Variants in JUP observed in about 807,000 individuals in gnomAD.
JUP encodes junction plakoglobin.
A neutral mutation model predicts 71.1 loss-of-function variants in JUP; 28 were observed. That is an observed-to-expected ratio of 0.39 (90% CI 0.29 to 0.54). JUP has a LOEUF of 0.54. JUP is among the 20% of genes least tolerant of loss of function. The pLI, the probability that JUP is intolerant of heterozygous loss-of-function variation, is 0.62. For synonymous variants in JUP, 401 were observed against 438.9 expected, an observed-to-expected ratio of 0.91 and a Z score of 1.08; for missense variants, 869 against 1,030.1, an observed-to-expected ratio of 0.84 and a Z score of 2.14.
intron 1 of JUP, among the ~76,000 whole-genome samples, chr17:41,785,672 C>T (rs2047422146): frequency 6.6e-6 from 1 of 152,230 alleles, no homozygotes; most frequent in Non-Finnish European, 1.5e-5. Flanking sequence ...ATACTTCCTC[C>T]TGCAAAGTTT....
Position 41,769,676 on chromosome 17 carries a change from A to G in JUP, c.210T>C (p.Gly70=), listed in dbSNP as rs782504602. 2.5e-6 allele frequency: 4 copies of G among 1,607,522 alleles called. No homozygotes were observed. The highest frequency in any genetic ancestry group is 3.4e-6 in the Non-Finnish European group (4 of 1,178,354). ...TTGTGGACATCTGGTACTCCAGATC[A>G]CCTGGGGGCCATGGGGACAGGGACT... ...TYTQGVPPSQ[G]DLEYQMSTTA... The change falls in exon 3 of 14, where the codon GGT becomes GGC. Residue 70 remains glycine (G), a splice_region_variant and synonymous_variant. Transcript: ENST00000393931.
chr17:41,781,776 C>G (rs527274508), intron 1 of JUP, among the ~76,000 whole-genome samples: 1 of 152,328 alleles, frequency 6.6e-6, no homozygotes, highest in Admixed American at 6.5e-5. Context: ...AGAGTCAATG[C>G]TGAGTCTCCA....
intron 12 of JUP, 100 bp from the exon 13 acceptor site, chr17:41,756,314 GC>G: frequency 1.6e-6 from 2 of 1,231,810 alleles, no homozygotes; most frequent in Non-Finnish European, 2.4e-6. Context: ...AAAAGAGGGG[GC>G]CAGGCTGGGT....
At chr17:41,764,428 G>A (rs183591550) in intron 7 of JUP, among the ~76,000 whole-genome samples, 79 of 151,786 alleles carry the variant, frequency 5.2e-4, no homozygotes, top group Non-Finnish European at 1.0e-3. Flanking sequence ...CCAACTACTC[G>A]GGAGGCTGAG....
intron 7 of JUP, among the ~76,000 whole-genome samples, chr17:41,764,400 T>C (rs1294187121): frequency 1.3e-5 from 2 of 152,074 alleles, no homozygotes; most frequent in Non-Finnish European, 2.9e-5. Context: ...CCAGACATGA[T>C]GGCAGGTGCC....
intron 1 of JUP, among the ~76,000 whole-genome samples, chr17:41,776,989 A>T (rs1290671581): frequency 6.6e-6 from 1 of 152,202 alleles, no homozygotes; most frequent in Non-Finnish European, 1.5e-5. Flanking sequence ...CCAGGGATAC[A>T]GTGCGAGACT....
chr17:41,757,204 CTG>C (rs1404867733), intron 12 of JUP, among the ~76,000 whole-genome samples: 1 of 152,242 alleles, frequency 6.6e-6, no homozygotes, highest in Non-Finnish European at 1.5e-5. Context: ...ACCTCAAACA[CTG>C]TATACTCATT....
At chr17:41,771,570 GCCT>G in intron 2 of JUP, 74 bp downstream of exon 2, 8 of 1,343,074 alleles carry the variant, frequency 6.0e-6, no homozygotes, top group Non-Finnish European at 8.5e-6. Context: ...CCTACAATCT[GCCT>G]CCTTTCACTC....
chr17:41,767,608 C>T (rs1555604658), intron 4 of JUP, 28 bp from the exon 5 acceptor site: 1 of 1,583,632 alleles, frequency 6.3e-7, no homozygotes, highest in African/African-American at 1.3e-5. Flanking sequence ...GGTTAGTACG[C>T]TGAGGTCCCA....
intron 8 of JUP, among the ~76,000 whole-genome samples, chr17:41,760,287 G>A (rs372309700): frequency 2.0e-5 from 3 of 149,392 alleles, no homozygotes; most frequent in Non-Finnish European, 3.0e-5. Context: ...ACGGAGTCTC[G>A]CTCTGTCGCC....
At chr17:41,773,097 G>A (rs1238115195) in intron 1 of JUP, 2 of 619,292 alleles carry the variant, frequency 3.2e-6, no homozygotes, top group African/African-American at 4.0e-5. Flanking sequence ...CCAGGTGTGA[G>A]GGCACCAAGG....
Position 41,757,414 on chromosome 17 carries a change from C to T in JUP, c.2046+1G>A. On this transcript the variant is annotated splice_donor_variant, in intron 12 of 13. Coordinates refer to ENST00000393931, the MANE Select transcript of JUP (RefSeq NM_002230.4). LOFTEE classifies it high-confidence loss of function. ...ACTGTGGTCCAACCTAGGATACTCA[C>T]AGCCTCCCAGGCAGCCGGGTCATGC... 1 of 1,614,236 alleles carries T rather than the reference C, an allele frequency of 6.2e-7. No individual in the cohort carries two copies. Among genetic ancestry groups the T allele is most frequent in the Non-Finnish European group, 8.5e-7 (1 of 1,180,042 alleles).
chr17:41,782,364 C>G (rs1395805894), intron 1 of JUP, among the ~76,000 whole-genome samples: 1 of 152,226 alleles, frequency 6.6e-6, no homozygotes, highest in Non-Finnish European at 1.5e-5. Flanking sequence ...AGCCTGGCAG[C>G]ACTGCCTCGT....
Position 41,771,788 on chromosome 17 carries a change from C to A in JUP, c.67G>T (p.Asp23Tyr). The A allele has an allele frequency of 6.2e-7, 1 of 1,613,894 alleles. No individual in the cohort carries two copies. Among genetic ancestry groups the A allele is most frequent in the South Asian group, 1.1e-5 (1 of 91,076 alleles). Residue 23 changes from aspartate (D) to tyrosine (Y), a missense_variant, in exon 2 of 14, where the codon GAC becomes TAC. By Grantham distance (160) the Asp-to-Tyr change is radical (BLOSUM62 -3). Transcript: ENST00000393931. The part of the protein sequence containing the change: ...VTEWQQTYTY[D>Y]SGIHSGANTC... ...TTGGCGCCCGAGTGGATACCCGAGT[C>A]GTAGGTGTATGTCTGCTGCCACTCA...
At chr17:41,763,393 G>C (rs1287243965) in intron 7 of JUP, 72 bp from the exon 8 acceptor site, 1 of 1,184,962 alleles carries the variant, frequency 8.4e-7, no homozygotes, top group Non-Finnish European at 1.2e-6. Flanking sequence ...ATATGTCCAA[G>C]GGGAGTGGGA....
intron 1 of JUP, among the ~76,000 whole-genome samples, chr17:41,781,260 C>G (rs567810483): frequency 1.3e-5 from 2 of 150,292 alleles, no homozygotes; most frequent in East Asian, 3.9e-4. Context: ...GAGGCTGAGA[C>G]AGGAGAATCA....
rs148143662 is a variant in JUP at position 41,756,768 on chromosome 17, C to T, written c.2047-554G>A. Among the ~76,000 whole-genome samples the T allele has an allele frequency of 5.2e-3, 786 of 150,554 alleles. 3 individuals carry two copies. Among genetic ancestry groups the T allele is most frequent in the African/African-American group, 0.019 (760 of 40,796 alleles). The stretch of plus-strand genomic sequence containing the variant: ...TAGAAAAATTAGCCGGGTGTGGTAG[C>T]GTGCACCTGTAGTCCCAGTTACTCA... On this transcript the variant is annotated intron_variant, in intron 12 of 13. Coordinates refer to ENST00000393931, the MANE Select transcript of JUP (RefSeq NM_002230.4).
At chr17:41,762,264 G>T (rs1309921084) in intron 8 of JUP, among the ~76,000 whole-genome samples, 2 of 147,178 alleles carry the variant, frequency 1.4e-5, no homozygotes, top group Non-Finnish European at 3.0e-5. Flanking sequence ...GTAAGAGATG[G>T]GTGTCTCACT....
chr17:41,782,675 T>C (rs2047224491), intron 1 of JUP, among the ~76,000 whole-genome samples: 1 of 151,824 alleles, frequency 6.6e-6, no homozygotes, highest in Non-Finnish European at 1.5e-5. Context: ...ACTGGGGAGA[T>C]TTAAGTGGGC....
Sources: allele counts gnomAD v4.1 joint callset (sites outside exome capture counted in the v4.1 genomes callset), GRCh38; gene constraint gnomAD v4.1.1; transcripts MANE v1.5; gene names NCBI Gene and HGNC (gene_info 2026-07-23, HGNC 2026-07-21).